Variants in TINAG observed in about 807,000 individuals in gnomAD.
TINAG encodes the protein tubulointerstitial nephritis antigen.
A neutral mutation model predicts 72.7 loss-of-function variants in TINAG; 83 were observed. The observed-to-expected ratio is 1.14, with a 90% CI of 0.96 to 1.37. The LOEUF (loss-of-function observed/expected upper bound fraction) is 1.37. Ranked by LOEUF, TINAG falls within the 40% of genes most tolerant of loss-of-function variation. TINAG has a pLI of 0.00. For missense variants in TINAG, 685 were observed against 576.6 expected (o/e 1.19, Z -1.93); for synonymous variants, 234 against 189.9 (o/e 1.23, Z -1.91).
At chr6:54,333,508 T>G (rs1052406615) in intron 4 of TINAG, among the ~76,000 whole-genome samples, 3 of 151,906 alleles carry the variant, frequency 2.0e-5, no homozygotes, top group Admixed American at 1.3e-4. Flanking sequence ...AGGAGAAATA[T>G]CTAATGTAGA....
chr6:54,354,153 A>T (rs1785333391), intron 8 of TINAG, among the ~76,000 whole-genome samples: 1 of 151,882 alleles, frequency 6.6e-6, no homozygotes, highest in South Asian at 2.1e-4. Context: ...TGGGGTTTTA[A>T]AAGGCTTGTG....
intron 1 of TINAG, among the ~76,000 whole-genome samples, chr6:54,317,353 CCT>C (rs748595817): frequency 2.0e-5 from 3 of 152,098 alleles, no homozygotes; most frequent in Non-Finnish European, 4.4e-5. Flanking sequence ...ATAATTCTCA[CCT>C]GTCATGGGAG....
At chr6:54,324,840 C>A (rs760390190) in intron 3 of TINAG, among the ~76,000 whole-genome samples, 2 of 152,166 alleles carry the variant, frequency 1.3e-5, no homozygotes, top group Non-Finnish European at 2.9e-5. Context: ...TTGAAATTAC[C>A]TGACTTGTTT....
chr6:54,323,647 G>A (rs1342962375), intron 3 of TINAG, among the ~76,000 whole-genome samples: 2 of 152,116 alleles, frequency 1.3e-5, no homozygotes, highest in Middle Eastern at 3.2e-3. Context: ...TGATGGCATG[G>A]CTGAGGATAC....
intron 10 of TINAG, among the ~76,000 whole-genome samples, chr6:54,388,976 A>G (rs1050237294): frequency 6.6e-6 from 1 of 152,158 alleles, no homozygotes; most frequent in African/African-American, 2.4e-5. Flanking sequence ...ATATAGGATA[A>G]TGTAATCACA....
At chr6:54,385,134 G>A (rs530103345) in intron 10 of TINAG, among the ~76,000 whole-genome samples, 2 of 151,462 alleles carry the variant, frequency 1.3e-5, no homozygotes, top group East Asian at 3.9e-4. Flanking sequence ...TTAAACCGAA[G>A]ATAAATGAAA....
Position 54,343,357 on chromosome 6 carries a change from A to G in TINAG, c.748+8A>G, listed in dbSNP as rs772442431. The G allele has an allele frequency of 6.6e-7, 1 of 1,517,916 alleles. No individual in the cohort carries two copies. The highest frequency in any genetic ancestry group is 1.9e-5 in the Admixed American group (1 of 51,848). 94.0% of individuals were successfully genotyped at this position (1,517,916 alleles called of 1,614,324 possible). On this transcript the variant is annotated splice_region_variant and intron_variant, in intron 5 of 10. Transcript: ENST00000259782. The stretch of plus-strand genomic sequence containing the variant: ...GGGCATTTTCCACTGCAAGTAATAA[A>G]GTCATTTTAATTCCTTCCTTATAAA...
chr6:54,337,962 T>C (rs1026374293), intron 4 of TINAG, among the ~76,000 whole-genome samples: 1 of 152,238 alleles, frequency 6.6e-6, no homozygotes, highest in African/African-American at 2.4e-5. Flanking sequence ...TCGTTCTTGC[T>C]GTCACTGAAT....
intron 8 of TINAG, 21 bp from the exon 9 acceptor site, chr6:54,354,492 T>C (rs45545344): frequency 0.17 from 269,017 of 1,580,130 alleles, 24,914 homozygotes; most frequent in Non-Finnish European, 0.19. Flanking sequence ...GTGCCATTTG[T>C]TCTGTTGGAT....
intron 9 of TINAG, among the ~76,000 whole-genome samples, chr6:54,371,501 T>C (rs963305083): frequency 5.3e-5 from 8 of 151,788 alleles, no homozygotes; most frequent in African/African-American, 1.9e-4. Flanking sequence ...TTAGAATGAT[T>C]CTAATTATGA....
At chr6:54,371,928 T>C (rs1456928798) in intron 9 of TINAG, among the ~76,000 whole-genome samples, 3 of 149,122 alleles carry the variant, frequency 2.0e-5, no homozygotes, top group African/African-American at 2.4e-5. Flanking sequence ...CAATGGATTA[T>C]ACAAAGTTTG....
chr6:54,373,198 C>T (rs1381435618), intron 9 of TINAG, among the ~76,000 whole-genome samples: 1 of 111,808 alleles, frequency 8.9e-6, no homozygotes, highest in East Asian at 2.6e-4. Context: ...CCTCCAACCC[C>T]ACACTTTTCC....
At chr6:54,343,121 TA>T in intron 4 of TINAG, 104 bp from the exon 5 acceptor site, 1 of 1,031,208 alleles carries the variant, frequency 9.7e-7, no homozygotes, top group Non-Finnish European at 1.3e-6. Flanking sequence ...CTTGGATGTA[TA>T]AAATAATTTA....
chr6:54,333,509 C>G (rs951332976), intron 4 of TINAG, among the ~76,000 whole-genome samples: 2 of 151,952 alleles, frequency 1.3e-5, no homozygotes, highest in East Asian at 3.9e-4. Flanking sequence ...GGAGAAATAT[C>G]TAATGTAGAT....
intron 4 of TINAG, among the ~76,000 whole-genome samples, chr6:54,340,859 C>A (rs541384603): frequency 6.6e-6 from 1 of 152,050 alleles, no homozygotes; most frequent in Non-Finnish European, 1.5e-5. Context: ...GCGACAAATG[C>A]ATGCTAGTAT....
intron 1 of TINAG, among the ~76,000 whole-genome samples, chr6:54,311,645 C>T (rs1047020747): frequency 6.6e-6 from 1 of 152,192 alleles, no homozygotes; most frequent in East Asian, 1.9e-4. Context: ...TCTTCATATG[C>T]TCATTAATGA....
chr6:54,316,721 GA>G (rs1312256686), intron 1 of TINAG, among the ~76,000 whole-genome samples: 2 of 152,138 alleles, frequency 1.3e-5, no homozygotes, highest in African/African-American at 4.8e-5. Context: ...AATACACTGT[GA>G]TGAACTATTT....
chr6:54,345,874 A>G (rs1785109659), intron 5 of TINAG, among the ~76,000 whole-genome samples: 1 of 152,080 alleles, frequency 6.6e-6, no homozygotes, highest in Non-Finnish European at 1.5e-5. Context: ...AATTAAATGA[A>G]TTATTTTATA....
chr6:54,360,553 T>C (rs1023100676), intron 9 of TINAG, among the ~76,000 whole-genome samples: 19 of 151,682 alleles, frequency 1.3e-4, no homozygotes, highest in African/African-American at 4.6e-4. Flanking sequence ...GAATTTGCCC[T>C]GTGTCCCTGT....
Sources: allele counts gnomAD v4.1 joint callset (sites outside exome capture counted in the v4.1 genomes callset), GRCh38; gene constraint gnomAD v4.1.1; transcripts MANE v1.5; gene names NCBI Gene and HGNC (gene_info 2026-07-23, HGNC 2026-07-21).